The following VPS13B variants were observed in gnomAD, a reference collection of about 807,000 sequenced individuals.
VPS13B encodes the protein intermembrane lipid transfer protein VPS13B.
In VPS13B, 285 loss-of-function variants were observed where a neutral mutation model predicts 426.4. That is an observed-to-expected ratio of 0.67 (90% CI 0.61 to 0.74). The LOEUF (loss-of-function observed/expected upper bound fraction) is 0.74. Ranked by LOEUF, VPS13B falls within the 30% of genes least tolerant of loss-of-function variation. VPS13B has a pLI of 0.00. For missense variants in VPS13B, 4,537 were observed against 4,782.6 expected (o/e 0.95, Z 1.51); for synonymous variants, 1,676 against 1,676.4 (o/e 1.00, Z 0.01).
intron 17 of VPS13B, among the ~76,000 whole-genome samples, chr8:99,248,557 A>C (rs1038517018): frequency 6.6e-6 from 1 of 152,182 alleles, no homozygotes; most frequent in African/African-American, 2.4e-5. Context: ...TAGTCCATAA[A>C]GATTTGCAGT....
intron 19 of VPS13B, among the ~76,000 whole-genome samples, chr8:99,322,106 A>G (rs1467731869): frequency 6.6e-6 from 1 of 152,158 alleles, no homozygotes; most frequent in African/African-American, 2.4e-5. Context: ...CCTTCAGACG[A>G]GCAACCTTGT....
intron 16 of VPS13B, among the ~76,000 whole-genome samples, chr8:99,184,944 C>T (rs574080708): frequency 3.3e-5 from 5 of 152,124 alleles, no homozygotes; most frequent in Admixed American, 2.0e-4. Flanking sequence ...GAGCTGAGAT[C>T]GTGCCACTGC....
intron 20 of VPS13B, 133 bp downstream of exon 20, chr8:99,384,450 T>C (rs1034958902): frequency 5.5e-6 from 4 of 725,772 alleles, no homozygotes; most frequent in African/African-American, 3.6e-5. Flanking sequence ...ACCTTACCCC[T>C]TTCAAACAAT....
At chr8:99,437,068 A>G (rs1269869719) in intron 22 of VPS13B, among the ~76,000 whole-genome samples, 2 of 152,120 alleles carry the variant, frequency 1.3e-5, no homozygotes, top group African/African-American at 2.4e-5. Context: ...ATGTTTTATG[A>G]GCCAAAATAT....
intron 3 of VPS13B, among the ~76,000 whole-genome samples, chr8:99,053,935 C>G (rs1264070379): frequency 6.6e-6 from 1 of 152,184 alleles, no homozygotes; most frequent in Non-Finnish European, 1.5e-5. Flanking sequence ...AACTCCTGGC[C>G]TCAGGTGATC....
chr8:99,180,188 T>C (rs1432298965), intron 16 of VPS13B, among the ~76,000 whole-genome samples: 1 of 152,246 alleles, frequency 6.6e-6, no homozygotes, highest in Non-Finnish European at 1.5e-5. Context: ...TTTTGTATTT[T>C]GTTTGTTTGC....
At chr8:99,321,114 A>T (rs1437332294) in intron 19 of VPS13B, among the ~76,000 whole-genome samples, 2 of 152,110 alleles carry the variant, frequency 1.3e-5, no homozygotes, top group African/African-American at 4.8e-5. Context: ...TTACTAAAAA[A>T]CTATCAGGTT....
At chr8:99,438,738 T>C (rs1817531395) in intron 22 of VPS13B, among the ~76,000 whole-genome samples, 1 of 152,196 alleles carries the variant, frequency 6.6e-6, no homozygotes, top group Non-Finnish European at 1.5e-5. Context: ...ACTGAAAATT[T>C]ATCAAATAGG....
chr8:99,234,959 G>C (rs532646142), intron 17 of VPS13B, among the ~76,000 whole-genome samples: 1 of 152,176 alleles, frequency 6.6e-6, no homozygotes, highest in South Asian at 2.1e-4. Context: ...AAAATATGAA[G>C]AGTATGAAAA....
At chr8:99,274,455 T>G in intron 18 of VPS13B, 123 bp downstream of exon 18, 1 of 1,482,554 alleles carries the variant, frequency 6.7e-7, no homozygotes, top group Non-Finnish European at 9.3e-7. Flanking sequence ...ACGTTTTAAA[T>G]TTTTACTTAG....
chr8:99,143,075 C>G lies in VPS13B; in HGVS notation c.1753C>G (p.Arg585Gly). The G allele has an allele frequency of 6.2e-7, 1 of 1,613,966 alleles. No homozygotes were observed. The highest frequency in any genetic ancestry group is 8.5e-7 in the Non-Finnish European group (1 of 1,179,942). Residue 585 changes from arginine to glycine, a missense_variant, in exon 13 of 62, where the codon CGT becomes GGT. Physicochemically the swap from Arg to Gly is moderately radical, Grantham distance 125. Coordinates refer to ENST00000357162, the MANE Select transcript of VPS13B (RefSeq NM_152564.5). ...KSLVIGPLDF[R>G]LDSSAVHRIL... ...CCTTGTTATAGGTCCTCTTGATTTT[C>G]GTTTGGATAGCAGTGCGGTGCATAG...
chr8:99,493,194 G>A (rs1820707590), intron 25 of VPS13B, among the ~76,000 whole-genome samples: 1 of 152,072 alleles, frequency 6.6e-6, no homozygotes, highest in Non-Finnish European at 1.5e-5. Context: ...GAGTGATACT[G>A]ACCATTTTTA....
intron 21 of VPS13B, among the ~76,000 whole-genome samples, chr8:99,416,562 A>T (rs964326822): frequency 1.3e-5 from 2 of 152,126 alleles, no homozygotes; most frequent in Admixed American, 6.5e-5. Context: ...CCCCTGAGGG[A>T]ATCACCAGGT....
chr8:99,828,957 G>C (rs1056529279), intron 51 of VPS13B, among the ~76,000 whole-genome samples: 3 of 152,162 alleles, frequency 2.0e-5, no homozygotes, highest in South Asian at 4.2e-4. Context: ...AGTTTCTCTT[G>C]GCCGAGAGAT....
intron 19 of VPS13B, chr8:99,346,741 A>T (rs1416007213): frequency 6.7e-6 from 1 of 149,166 alleles, no homozygotes; most frequent in African/African-American, 2.7e-5. Context: ...TCCTTGTGGT[A>T]GGGGTGCTGG....
intron 19 of VPS13B, among the ~76,000 whole-genome samples, chr8:99,370,777 T>C (rs1813135228): frequency 6.6e-6 from 1 of 152,090 alleles, no homozygotes; most frequent in African/African-American, 2.4e-5. Flanking sequence ...GCCCGACTAA[T>C]TTTTGTATTT....
intron 39 of VPS13B, among the ~76,000 whole-genome samples, chr8:99,751,127 T>A (rs1810373208): frequency 6.6e-6 from 1 of 152,202 alleles, no homozygotes; most frequent in South Asian, 2.1e-4. Context: ...AAAACTACAC[T>A]GTATAGTCTG....
At chr8:99,622,530 A>G (rs1828406379) in intron 33 of VPS13B, among the ~76,000 whole-genome samples, 1 of 152,242 alleles carries the variant, frequency 6.6e-6, no homozygotes, top group Non-Finnish European at 1.5e-5. Flanking sequence ...TTTATATGAG[A>G]TATGCAACAC....
At chr8:99,493,185 A>G (rs1352521901) in intron 25 of VPS13B, among the ~76,000 whole-genome samples, 1 of 152,184 alleles carries the variant, frequency 6.6e-6, no homozygotes, top group African/African-American at 2.4e-5. Context: ...TATAGTCATG[A>G]GTGATACTGA....
Sources: allele counts gnomAD v4.1 joint callset (sites outside exome capture counted in the v4.1 genomes callset), GRCh38; gene constraint gnomAD v4.1.1; transcripts MANE v1.5; gene names NCBI Gene and HGNC (gene_info 2026-07-23, HGNC 2026-07-21).